Variants in PRKCB observed in about 807,000 individuals in gnomAD.
PRKCB encodes protein kinase C beta.
A neutral mutation model predicts 81.5 loss-of-function variants in PRKCB; 13 were observed. The observed-to-expected ratio is 0.16, with a 90% CI of 0.10 to 0.25. PRKCB has a LOEUF of 0.25. Among genes scored for constraint, PRKCB ranks in the 10% least tolerant of loss-of-function variants. PRKCB has a pLI of 1.00. For missense variants in PRKCB, 509 were observed against 875.7 expected (o/e 0.58, Z 5.29); for synonymous variants, 335 against 321.4 (o/e 1.04, Z -0.45).
chr16:23,867,763 A>C (rs1962833012), intron 2 of PRKCB, among the ~76,000 whole-genome samples: 1 of 152,218 alleles, frequency 6.6e-6, no homozygotes, highest in African/African-American at 2.4e-5. Flanking sequence ...AACTTGTGCA[A>C]TCTTGGGTAG....
intron 2 of PRKCB, among the ~76,000 whole-genome samples, chr16:23,959,930 G>A (rs765978921): frequency 7.9e-5 from 12 of 152,174 alleles, no homozygotes; most frequent in Non-Finnish European, 1.5e-5. Context: ...CACTGTTGGT[G>A]CTCTGCTGTG....
intron 8 of PRKCB, among the ~76,000 whole-genome samples, chr16:24,121,904 C>G (rs1285540247): frequency 1.3e-5 from 2 of 152,204 alleles, no homozygotes; most frequent in African/African-American, 4.8e-5. Context: ...TAGGAAGCTT[C>G]AATCACCAAA....
chr16:24,110,191 AGAGC>A (rs1272110824), intron 7 of PRKCB, among the ~76,000 whole-genome samples: 1 of 137,432 alleles, frequency 7.3e-6, no homozygotes, highest in African/African-American at 2.8e-5. Flanking sequence ...GGAGAGGGAG[AGAGC>A]GTCCCCAATC....
At chr16:24,113,587 T>C (rs1966704601) in intron 8 of PRKCB, among the ~76,000 whole-genome samples, 1 of 149,744 alleles carries the variant, frequency 6.7e-6, no homozygotes, top group Admixed American at 6.7e-5. Context: ...TTTCTCCCCT[T>C]TCTCTCTCTC....
Position 24,193,443 on chromosome 16 carries a change from TCAAATAAATAAA to T in PRKCB, c.1863+2214_1863+2225del, listed in dbSNP as rs1240746393. The stretch of plus-strand genomic sequence containing the variant: ...CTGGGCGACAGAGTGAGACTCCATC[TCAAATAAATAAA>T]TAAATAAATAAATAAATAAATAAAT... On this transcript the variant is annotated intron_variant, in intron 16 of 16. Coordinates refer to ENST00000643927, the MANE Select transcript of PRKCB (RefSeq NM_002738.7). Among the ~76,000 whole-genome samples, 11 of 92,394 alleles carry T rather than the reference TCAAATAAATAAA, an allele frequency of 1.2e-4. No homozygotes were observed. The East Asian group carries it at 2.7e-3, about 23-fold the overall frequency. 60.6% of individuals were successfully genotyped at this position (92,394 alleles called of 152,430 possible).
chr16:23,959,759 G>A (rs1364169015), intron 2 of PRKCB, among the ~76,000 whole-genome samples: 2 of 152,138 alleles, frequency 1.3e-5, no homozygotes, highest in African/African-American at 2.4e-5. Context: ...GTCACCAAAA[G>A]GGAAAATATT....
intron 5 of PRKCB, among the ~76,000 whole-genome samples, chr16:24,074,908 G>A (rs935700390): frequency 2.0e-5 from 3 of 152,082 alleles, no homozygotes; most frequent in African/African-American, 4.8e-5. Flanking sequence ...GATTGCTTGA[G>A]GCCAGGAGTT....
intron 5 of PRKCB, among the ~76,000 whole-genome samples, chr16:24,046,669 C>G (rs1210573361): frequency 6.6e-6 from 1 of 151,964 alleles, no homozygotes. Context: ...GAACTGACAG[C>G]CAGTGGGTGT....
At chr16:24,203,856 A>G (rs1439594786) in intron 16 of PRKCB, among the ~76,000 whole-genome samples, 2 of 152,128 alleles carry the variant, frequency 1.3e-5, no homozygotes, top group Non-Finnish European at 2.9e-5. Context: ...TTTTCTTCCC[A>G]GGGTACACGT....
chr16:24,191,033 G>T, intron 15 of PRKCB, 57 bp from the exon 16 acceptor site: 2 of 1,569,980 alleles, frequency 1.3e-6, no homozygotes, highest in Non-Finnish European at 1.7e-6. Flanking sequence ...ATTTCTGAGT[G>T]TCTTACATTT....
chr16:24,182,418 G>A (rs1034486998), intron 13 of PRKCB, among the ~76,000 whole-genome samples: 1 of 152,118 alleles, frequency 6.6e-6, no homozygotes, highest in Non-Finnish European at 1.5e-5. Flanking sequence ...CTACTCAGGA[G>A]GCTAAGGTGG....
chr16:23,997,193 T>C (rs556618324), intron 3 of PRKCB, among the ~76,000 whole-genome samples: 1 of 152,274 alleles, frequency 6.6e-6, no homozygotes, highest in Non-Finnish European at 1.5e-5. Flanking sequence ...AAGGAAGTTA[T>C]GAAGTTGGCT....
rs954036183 is a variant in PRKCB, at chr16:24,024,652, G to A, written c.289-7484G>A. On this transcript the variant is annotated intron_variant, in intron 3 of 16. Coordinates refer to ENST00000643927, the MANE Select transcript of PRKCB (RefSeq NM_002738.7). ...AATTAGCAGCCTCAGCCCTGGAACT[G>A]TATGTCTGCTGGCCTCAGGACTGAT... 2.6e-5 allele frequency among the ~76,000 whole-genome samples: 4 copies of A among 152,198 alleles called. 1 individual carries two copies. In the South Asian group the frequency reaches 6.2e-4, roughly 24 times the overall value.
At chr16:24,072,894 C>T (rs1266530710) in intron 5 of PRKCB, among the ~76,000 whole-genome samples, 2 of 152,152 alleles carry the variant, frequency 1.3e-5, no homozygotes. Context: ...CTCTCTCTCT[C>T]TTTTTAAGGC....
rs1967624198 is a variant in PRKCB, at chr16:24,181,665, G to A, written c.1533+737G>A. Among the ~76,000 whole-genome samples the A allele has an allele frequency of 2.7e-5, 4 of 148,668 alleles. No individual in the cohort carries two copies. The South Asian group carries it at 8.5e-4, about 32-fold the overall frequency. On this transcript the variant is annotated intron_variant, in intron 13 of 16. Transcript: ENST00000643927. ...GCCTGTAGTCCCAGCTACTTGGGAG[G>A]CTGAGGTAAGAGAATCACCTGAGCC...
At chr16:24,092,768 A>G (rs1399775998) in intron 5 of PRKCB, 23 bp from the exon 6 acceptor site, 1 of 1,610,166 alleles carries the variant, frequency 6.2e-7, no homozygotes, top group Non-Finnish European at 8.5e-7. Flanking sequence ...GTATTAATGC[A>G]AAAACTGCTT....
intron 2 of PRKCB, among the ~76,000 whole-genome samples, chr16:23,982,031 TCCCTTCACCTTC>T (rs1363580738): frequency 9.3e-6 from 1 of 107,650 alleles, no homozygotes; most frequent in Non-Finnish European, 1.9e-5. Flanking sequence ...CACTTCCCTT[TCCCTTCACCTTC>T]CCCTTCCCTT....
At chr16:23,975,520 G>T (rs1271274881) in intron 2 of PRKCB, among the ~76,000 whole-genome samples, 1 of 152,138 alleles carries the variant, frequency 6.6e-6, no homozygotes, top group African/African-American at 2.4e-5. Flanking sequence ...ACACTCATGG[G>T]CACAGTAGAC....
At chr16:24,185,410 G>A in intron 14 of PRKCB, 50 bp from the exon 15 acceptor site, 1 of 1,536,446 alleles carries the variant, frequency 6.5e-7, no homozygotes, top group South Asian at 1.1e-5. Flanking sequence ...GGAGCTAGGG[G>A]GAGGGTTCAA....
Sources: gnomAD v4.1 joint callset for allele counts (sites outside exome capture counted in the v4.1 genomes callset) on GRCh38, gnomAD v4.1.1 for gene constraint, MANE v1.5 for transcripts, NCBI Gene and HGNC (gene_info 2026-07-23, HGNC 2026-07-21) for gene names.